Variants in AURKA observed in about 807,000 individuals in gnomAD.
AURKA encodes aurora kinase A, also known as aurora 2.
In AURKA, 12 loss-of-function variants were observed where a neutral mutation model predicts 40.9. That is an observed-to-expected ratio of 0.29 (90% confidence interval 0.19 to 0.48). The LOEUF (loss-of-function observed/expected upper bound fraction) is 0.48, where lower values mean the gene tolerates loss of function less well. AURKA is among the 20% of genes least tolerant of loss of function. The pLI, the probability that AURKA is intolerant of heterozygous loss-of-function variation, is 0.99. For synonymous variants in AURKA, 170 were observed against 164.3 expected, an observed-to-expected ratio of 1.03 and a Z score of -0.26; for missense variants, 322 against 462.1, an observed-to-expected ratio of 0.70 and a Z score of 2.78.
At position 56,370,610 on chromosome 20, in the gene AURKA, C is replaced by T. The variant is rs1984021216; in HGVS notation, c.904G>A (p.Glu302Lys). ...TLDYLPPEMI[E>K]GRMHDEKVDL... is the part of the protein sequence containing the mutation. ...ACCTTCTCATCATGCATCCGACCTT[C>T]AATCATTTCAGGGGGCAGGTAGTCC... Residue 302 changes from glutamate to lysine, a missense_variant, in exon 8 of 9, where the codon GAA (glutamate) becomes AAA (lysine). Transcript: ENST00000395915. 1 of 1,614,080 alleles carries T rather than the reference C, an allele frequency of 6.2e-7. No individual in the cohort carries two copies. The highest frequency in any genetic ancestry group is 1.7e-5 in the Admixed American group (1 of 60,006).
chr20:56,377,387 T>C (rs1985067905), intron 6 of AURKA, among the ~76,000 whole-genome samples: 1 of 151,092 alleles, frequency 6.6e-6, no homozygotes, highest in Admixed American at 6.6e-5. Flanking sequence ...ATGACCTGCA[T>C]CCAAAATATA....
At position 56,373,423 on chromosome 20, in the gene AURKA, T is replaced by C. The variant is rs1353170280; in HGVS notation, c.839A>G (p.His280Arg). ...LKIADFGWSV[H>R]APSSRRTTLC... ...AGTTACATACCTGGAAGATGGAGCA[T>C]GTACTGACCACCCAAAATCTGCAAT... is the stretch of plus-strand genomic sequence containing the variant. The change falls in exon 7 of 9, where the codon CAT becomes CGT. Residue 280 changes from histidine (H) to arginine (R), a missense_variant. Physicochemically the swap from His to Arg is conservative, Grantham distance 29 (BLOSUM62 0). Transcript: ENST00000395915. The surrounding 1 kb of genome is among the most constrained non-coding windows in gnomAD (Gnocchi z 5.0). 6 of 1,613,768 alleles carry C rather than the reference T, an allele frequency of 3.7e-6. No homozygotes were observed. Among genetic ancestry groups the C allele is most frequent in the Non-Finnish European group, 5.1e-6 (6 of 1,180,028 alleles).
rs796455779 is a variant in AURKA at position 56,388,008 on chromosome 20, G to A, written c.42+148C>T. ...CTCTAAGAAGCAGCAAAATGTTACT[G>A]AACACGAGAAAAGTGACTAATTCAT... On this transcript the variant is annotated intron_variant, in intron 2 of 8. Coordinates refer to ENST00000395915, the MANE Select transcript of AURKA (RefSeq NM_198437.3). 20 of 115,306 alleles carry A rather than the reference G, an allele frequency of 1.7e-4. No individual in the cohort carries two copies. In the African/African-American group the frequency reaches 2.0e-3, roughly 11 times the overall value. 7.1% of individuals were successfully genotyped at this position (115,306 alleles called of 1,614,324 possible). A position where few individuals can be genotyped will look rare whatever the true frequency, so the allele number is the denominator to read the frequency against.
At chr20:56,385,944 G>C (rs559961756) in intron 3 of AURKA, among the ~76,000 whole-genome samples, 1 of 152,282 alleles carries the variant, frequency 6.6e-6, no homozygotes, top group African/African-American at 2.4e-5. Context: ...TTAGATCTCA[G>C]TCCCTTCAAG....
rs544907584 is a variant in AURKA at position 56,373,349 on chromosome 20, C to T, written c.854+59G>A. 9.3e-6 allele frequency: 15 copies of T among 1,610,858 alleles called. 1 individual carries two copies. Among genetic ancestry groups the T allele is most frequent in the East Asian group, 8.9e-5 (4 of 44,888 alleles). ...ACACTGAAATATTTTACATTTAGCT[C>T]ACGGTTAGCTCCCAGGGCTTTGGTA... is the stretch of plus-strand genomic sequence containing the variant. On this transcript the variant is annotated intron_variant, in intron 7 of 8. Transcript: ENST00000395915. The surrounding 1 kb of genome is among the most constrained non-coding windows in gnomAD (Gnocchi z 5.0).
chr20:56,390,780 A>G (rs1331085546), intron 1 of AURKA: 1 of 152,208 alleles, frequency 6.6e-6, no homozygotes, highest in Non-Finnish European at 1.5e-5. Context: ...TGGGTAAGTA[A>G]AAGTTGATAA....
intron 5 of AURKA, among the ~76,000 whole-genome samples, chr20:56,382,291 A>G (rs1003024259): frequency 1.3e-5 from 2 of 152,228 alleles, no homozygotes; most frequent in African/African-American, 4.8e-5. Context: ...GGGCAGGTGC[A>G]GACTGTGGCC....
chr20:56,381,909 T>C (rs1253281504), intron 5 of AURKA, among the ~76,000 whole-genome samples: 1 of 152,128 alleles, frequency 6.6e-6, no homozygotes, highest in Non-Finnish European at 1.5e-5. Context: ...CTCACGCCTG[T>C]AATCCCAGCA....
chr20:56,384,543 C>T (rs1192092211), intron 3 of AURKA, among the ~76,000 whole-genome samples: 4 of 151,820 alleles, frequency 2.6e-5, no homozygotes, highest in Admixed American at 6.6e-5. Flanking sequence ...TAAAGATGAG[C>T]AGACGTATAT....
intron 3 of AURKA, 21 bp from the exon 4 acceptor site, chr20:56,384,345 A>G (rs748787209): frequency 2.6e-6 from 4 of 1,562,284 alleles, no homozygotes; most frequent in Middle Eastern, 1.7e-4. Context: ...TAAGTTAAAA[A>G]CCTGTTTTTA....
In AURKA at chr20:56,382,966, C is replaced by T. The variant is rs992605483; in HGVS notation, c.566+19G>A. ...CAGCATTGGTGAACATTCTTTTGAACATGAACCTGAAAACTCACCGAAGGT... is the reference window on the plus strand; with the variant it reads ...CAGCATTGGTGAACATTCTTTTGAATATGAACCTGAAAACTCACCGAAGGT... On this transcript the variant is annotated intron_variant, in intron 5 of 8. Transcript: ENST00000395915. 8.1e-6 allele frequency: 13 copies of T among 1,612,744 alleles called. No homozygotes were observed. Among genetic ancestry groups the T allele is most frequent in the Non-Finnish European group, 1.1e-5 (13 of 1,179,804 alleles).
intron 6 of AURKA, among the ~76,000 whole-genome samples, chr20:56,379,102 G>C (rs939944348): frequency 6.6e-6 from 1 of 152,116 alleles, no homozygotes; most frequent in Non-Finnish European, 1.5e-5. Context: ...TACAAATGTA[G>C]GAAACCACCT....
Position 56,370,918 on chromosome 20 carries a change from G to C in AURKA, c.855-259C>G, listed in dbSNP as rs556801686. On this transcript the variant is annotated intron_variant, in intron 7 of 8. Coordinates refer to ENST00000395915, the MANE Select transcript of AURKA (RefSeq NM_198437.3). ...TGAATAATCTAGAATGTAAGAAACT[G>C]AATGTATCACTACCATATAAAAGCT... Among the ~76,000 whole-genome samples, 98 of 152,276 alleles carry C rather than the reference G, an allele frequency of 6.4e-4. 1 individual carries two copies. Among genetic ancestry groups the C allele is most frequent in the Admixed American group, 1.0e-3 (16 of 15,296 alleles).
intron 1 of AURKA, among the ~76,000 whole-genome samples, chr20:56,389,925 T>C (rs1489981122): frequency 1.3e-5 from 2 of 152,126 alleles, no homozygotes; most frequent in African/African-American, 4.8e-5. Context: ...TTATTCTCTC[T>C]CCCTTGAGTT....
At chr20:56,388,628 ATGG>A (rs1311799578) in intron 1 of AURKA, 4 of 205,304 alleles carry the variant, frequency 1.9e-5, no homozygotes, top group Admixed American at 5.3e-5. Context: ...CCTGGCCAAC[ATGG>A]TGAAACCCCG....
intron 5 of AURKA, 22 bp from the exon 6 acceptor site, chr20:56,381,593 C>CT: frequency 6.2e-7 from 1 of 1,612,586 alleles, no homozygotes; most frequent in Non-Finnish European, 8.5e-7. Context: ...GATAAACATT[C>CT]TAACACTTGG....
intron 2 of AURKA, among the ~76,000 whole-genome samples, 159 bp from the exon 3 acceptor site, chr20:56,386,692 A>G (rs1449524978): frequency 1.3e-5 from 2 of 152,210 alleles, no homozygotes; most frequent in African/African-American, 2.4e-5. Flanking sequence ...CCTCCAGAGG[A>G]TAGTTAGTAT....
intron 7 of AURKA, 58 bp from the exon 8 acceptor site, chr20:56,370,717 G>C: frequency 3.8e-6 from 6 of 1,587,566 alleles, no homozygotes; most frequent in Non-Finnish European, 5.2e-6. Context: ...CACAACAGCT[G>C]CTAACAATCA....
intron 4 of AURKA, 76 bp downstream of exon 4, chr20:56,384,194 T>C (rs559474892): frequency 2.6e-5 from 31 of 1,211,186 alleles, no homozygotes; most frequent in Non-Finnish European, 3.2e-5. Context: ...TTCCCCAGAG[T>C]TCCCACAACG....
Sources: gnomAD v4.1 joint callset for allele counts (sites outside exome capture counted in the v4.1 genomes callset) on GRCh38, gnomAD v4.1.1 for gene constraint, Gnocchi (gnomAD v3.1) non-coding constraint, MANE v1.5 for transcripts, NCBI Gene and HGNC (gene_info 2026-07-23, HGNC 2026-07-21) for gene names.